The following ARHGAP26 variants were observed in gnomAD, a reference collection of about 807,000 sequenced individuals.
ARHGAP26 encodes Rho GTPase activating protein 26, also known as rho GTPase-activating protein 26.
In ARHGAP26, 38 loss-of-function variants were observed where a neutral mutation model predicts 104.8. The ratio of observed to expected loss-of-function variants is 0.36; its 90% confidence interval spans 0.28 to 0.48. ARHGAP26 has a LOEUF of 0.48. Among genes scored for constraint, ARHGAP26 ranks in the 20% least tolerant of loss-of-function variants. The pLI, the probability that ARHGAP26 is intolerant of heterozygous loss-of-function variation, is 0.99. For synonymous variants in ARHGAP26, 341 were observed against 340.0 expected, an observed-to-expected ratio of 1.00 and a Z score of -0.03; for missense variants, 704 against 947.9, an observed-to-expected ratio of 0.74 and a Z score of 3.38.
chr5:142,991,928 A>G (rs185614340), intron 11 of ARHGAP26, among the ~76,000 whole-genome samples: 2 of 152,358 alleles, frequency 1.3e-5, no homozygotes, highest in East Asian at 3.9e-4. Flanking sequence ...GTGCCAATTT[A>G]TACTTCCATG....
intron 1 of ARHGAP26, among the ~76,000 whole-genome samples, chr5:142,837,247 T>A (rs1769766893): frequency 6.6e-6 from 1 of 152,158 alleles, no homozygotes; most frequent in Non-Finnish European, 1.5e-5. Context: ...TGAGAAAGTT[T>A]CCCATTGTAT....
chr5:142,830,795 A>G (rs1768254959), intron 1 of ARHGAP26, among the ~76,000 whole-genome samples: 1 of 152,092 alleles, frequency 6.6e-6, no homozygotes, highest in Admixed American at 6.5e-5. Context: ...GGCCATTGTG[A>G]TTAGTCACTC....
intron 20 of ARHGAP26, among the ~76,000 whole-genome samples, chr5:143,149,795 T>C (rs1443439935): frequency 6.6e-6 from 1 of 152,136 alleles, no homozygotes; most frequent in Admixed American, 6.6e-5. Flanking sequence ...CTGGGAGGAT[T>C]ACCATTAACT....
intron 1 of ARHGAP26, among the ~76,000 whole-genome samples, chr5:142,822,171 ACTCACTCTCCAT>A (rs1197496603): frequency 9.2e-5 from 14 of 152,040 alleles, no homozygotes; most frequent in African/African-American, 3.4e-4. Flanking sequence ...CCTAGAATTG[ACTCACTCTCCAT>A]CTTTCTATCA....
At position 143,228,459 on chromosome 5, in the gene ARHGAP26, C is replaced by T. The variant is rs1468860252; in HGVS notation, c.*6013C>T. ...ACTGTTCATATTTATCAAACAATTA[C>T]TGTCTACAGCTACATTTTTTGTTAA... On this transcript the variant is annotated 3_prime_UTR_variant, in exon 23 of 23. Coordinates refer to ENST00000645722, the MANE Select transcript of ARHGAP26 (RefSeq NM_001135608.3). The T allele has an allele frequency of 4.6e-6, 1 of 219,416 alleles. No individual in the cohort carries two copies. The highest frequency in any genetic ancestry group is 9.1e-6 in the Non-Finnish European group (1 of 109,328). 13.6% of individuals were successfully genotyped at this position (219,416 alleles called of 1,614,324 possible).
At chr5:142,889,176 G>A (rs1160637910) in intron 5 of ARHGAP26, among the ~76,000 whole-genome samples, 1 of 152,200 alleles carries the variant, frequency 6.6e-6, no homozygotes, top group African/African-American at 2.4e-5. Flanking sequence ...CTTTGGTGCT[G>A]ACTGATGGCC....
chr5:143,209,539 G>A (rs984401227), intron 21 of ARHGAP26, among the ~76,000 whole-genome samples: 1 of 152,136 alleles, frequency 6.6e-6, no homozygotes, highest in African/African-American at 2.4e-5. Flanking sequence ...CCAGCACTTT[G>A]GGAGGCCAAG....
At chr5:143,085,343 G>A (rs1318264306) in intron 17 of ARHGAP26, among the ~76,000 whole-genome samples, 1 of 152,156 alleles carries the variant, frequency 6.6e-6, no homozygotes, top group Non-Finnish European at 1.5e-5. Context: ...CAGAGGCAGA[G>A]CATAGGGTCT....
chr5:143,060,174 G>T (rs901712484), intron 17 of ARHGAP26, among the ~76,000 whole-genome samples: 2 of 152,126 alleles, frequency 1.3e-5, no homozygotes, highest in African/African-American at 4.8e-5. Context: ...CTGAGCTATT[G>T]TTCCTCTGGG....
intron 11 of ARHGAP26, among the ~76,000 whole-genome samples, chr5:142,937,740 C>G (rs1765643223): frequency 6.6e-6 from 1 of 152,058 alleles, no homozygotes. Context: ...TGGTACACAA[C>G]AACCGGGTGC....
At chr5:143,147,194 T>A in intron 19 of ARHGAP26, 37 bp from the exon 20 acceptor site, 1 of 1,606,114 alleles carries the variant, frequency 6.2e-7, no homozygotes, top group Non-Finnish European at 8.5e-7. Context: ...CCCTATGCAA[T>A]AATATTAATA....
At chr5:143,090,064 T>A (rs1425782249) in intron 17 of ARHGAP26, among the ~76,000 whole-genome samples, 2 of 152,252 alleles carry the variant, frequency 1.3e-5, no homozygotes, top group African/African-American at 4.8e-5. Context: ...GCTCACTGCA[T>A]CCTTTCAGGT....
In ARHGAP26 at chr5:142,954,213, G is replaced by A. The variant is rs757663329; in HGVS notation, c.1107+22088G>A. ...CATTCTTTCCATGAAATATAAGAATGTTAGGCCCCATATATGGGATTTTCC... is the reference window on the plus strand; with the variant it reads ...CATTCTTTCCATGAAATATAAGAATATTAGGCCCCATATATGGGATTTTCC... On this transcript the variant is annotated intron_variant, in intron 11 of 22. Coordinates refer to ENST00000645722, the MANE Select transcript of ARHGAP26 (RefSeq NM_001135608.3). Among the ~76,000 whole-genome samples, 9 of 152,290 alleles carry A rather than the reference G, an allele frequency of 5.9e-5. No individual in the cohort carries two copies. In the South Asian group the frequency reaches 1.0e-3, roughly 18 times the overall value.
intron 1 of ARHGAP26, among the ~76,000 whole-genome samples, chr5:142,796,054 C>CTGTGTGTGTGTGTG (rs71890315): frequency 2.8e-4 from 41 of 144,046 alleles, no homozygotes; most frequent in African/African-American, 9.4e-4. Context: ...AGGTGTTTTT[C>CTGTGTGTGTGTGTG]TGTGTGTGTG....
intron 1 of ARHGAP26, among the ~76,000 whole-genome samples, chr5:142,775,238 C>T (rs1756070596): frequency 6.6e-6 from 1 of 152,068 alleles, no homozygotes; most frequent in Admixed American, 6.5e-5. Flanking sequence ...ATGAGAGTTC[C>T]TGTTGCTCTA....
chr5:142,998,770 A>G (rs1253497201), intron 11 of ARHGAP26, among the ~76,000 whole-genome samples: 1 of 152,148 alleles, frequency 6.6e-6, no homozygotes, highest in Non-Finnish European at 1.5e-5. Flanking sequence ...GGAAAAGAAC[A>G]TTTGTTTACA....
intron 20 of ARHGAP26, among the ~76,000 whole-genome samples, chr5:143,177,533 T>C (rs991187243): frequency 6.6e-6 from 1 of 152,176 alleles, no homozygotes; most frequent in Non-Finnish European, 1.5e-5. Context: ...TGCTCACCCA[T>C]AGCTGCCTTG....
intron 12 of ARHGAP26, among the ~76,000 whole-genome samples, chr5:143,016,362 T>TGTG (rs1180075669): frequency 1.3e-5 from 2 of 152,204 alleles, no homozygotes; most frequent in African/African-American, 4.8e-5. Flanking sequence ...GATTCTTCAG[T>TGTG]CATTACCCTT....
At chr5:142,875,372 G>A (rs961510484) in intron 3 of ARHGAP26, among the ~76,000 whole-genome samples, 5 of 152,200 alleles carry the variant, frequency 3.3e-5, no homozygotes, top group Admixed American at 2.0e-4. Context: ...TTAGAACAAC[G>A]TAGTTAAATG....
Sources: gnomAD v4.1 joint callset for allele counts (sites outside exome capture counted in the v4.1 genomes callset) on GRCh38, gnomAD v4.1.1 for gene constraint, MANE v1.5 for transcripts, NCBI Gene and HGNC (gene_info 2026-07-23, HGNC 2026-07-21) for gene names.